Variants in EZH2 observed in about 807,000 individuals in gnomAD.
EZH2 encodes the protein histone-lysine N-methyltransferase EZH2.
In EZH2, 18 loss-of-function variants were observed where a neutral mutation model predicts 98.4. The ratio of observed to expected loss-of-function variants is 0.18; its 90% CI spans 0.13 to 0.27. The LOEUF (loss-of-function observed/expected upper bound fraction) is 0.27. Among genes scored for constraint, EZH2 ranks in the 10% least tolerant of loss-of-function variants. The pLI is 1.00. For synonymous variants in EZH2, 338 were observed against 312.3 expected, an observed-to-expected ratio of 1.08 and a Z score of -0.87; for missense variants, 470 against 935.1, an observed-to-expected ratio of 0.50 and a Z score of 6.49.
intron 8 of EZH2, among the ~76,000 whole-genome samples, chr7:148,820,622 G>T (rs201501186): frequency 5.9e-5 from 9 of 151,568 alleles, no homozygotes; most frequent in African/African-American, 2.2e-4. Context: ...TGTTGGAAGC[G>T]TGTGAGCAAT....
rs764761042 is a variant in EZH2, at chr7:148,849,241, A to G, written c.-7-1936T>C. Among the ~76,000 whole-genome samples, 28 of 152,198 alleles carry G rather than the reference A, an allele frequency of 1.8e-4. 1 individual carries two copies. Among genetic ancestry groups the G allele is most frequent in the South Asian group, 2.1e-4 (1 of 4,832 alleles). ...TGGGAGAAAGAAAAGAATATTAGGA[A>G]CTGCAGAAGGATGGCAGGAAAGGTA... is the stretch of plus-strand genomic sequence containing the variant. On this transcript the variant is annotated intron_variant, in intron 1 of 19. Transcript: ENST00000320356.
chr7:148,870,321 A>G (rs1819167688), intron 1 of EZH2, among the ~76,000 whole-genome samples: 1 of 152,244 alleles, frequency 6.6e-6, no homozygotes, highest in African/African-American at 2.4e-5. Context: ...TGCATTATTA[A>G]TTAATTTTAA....
intron 16 of EZH2, 87 bp downstream of exon 16, chr7:148,811,538 C>T (rs1187952768): frequency 2.8e-6 from 3 of 1,061,470 alleles, no homozygotes; most frequent in East Asian, 2.6e-5. Flanking sequence ...CCAATCAAAC[C>T]CACAGACTTA....
intron 1 of EZH2, among the ~76,000 whole-genome samples, chr7:148,866,485 G>A (rs1487634420): frequency 8.0e-6 from 1 of 125,622 alleles, no homozygotes; most frequent in East Asian, 2.0e-4. Flanking sequence ...CCCCAAAACT[G>A]TGAAAAATAT....
intron 3 of EZH2, chr7:148,837,066 CA>C: frequency 2.2e-6 from 1 of 445,016 alleles, no homozygotes; most frequent in South Asian, 1.7e-5. Flanking sequence ...GAGACTTTAC[CA>C]AAGTTAGCTT....
intron 17 of EZH2, 136 bp downstream of exon 17, chr7:148,810,197 G>T: frequency 1.8e-6 from 1 of 547,254 alleles, no homozygotes; most frequent in South Asian, 3.0e-5. Context: ...TTTCAAGCAA[G>T]CAGCCCCCCA....
At chr7:148,863,969 G>A (rs1007133444) in intron 1 of EZH2, among the ~76,000 whole-genome samples, 8 of 152,200 alleles carry the variant, frequency 5.3e-5, no homozygotes, top group Admixed American at 2.0e-4. Flanking sequence ...AACAGCATTC[G>A]CCTTCAAGAA....
At chr7:148,815,210 C>T (rs1804224184) in intron 13 of EZH2, among the ~76,000 whole-genome samples, 171 bp from the exon 14 acceptor site, 1 of 152,116 alleles carries the variant, frequency 6.6e-6, no homozygotes, top group East Asian at 1.9e-4. Flanking sequence ...GCAAAAAATA[C>T]TCTCCCACCC....
intron 10 of EZH2, 191 bp downstream of exon 10, chr7:148,817,686 C>A: frequency 1.3e-6 from 1 of 789,192 alleles, no homozygotes; most frequent in South Asian, 1.8e-5. Flanking sequence ...CCAAGCAGGG[C>A]AAACACCACA....
chr7:148,847,772 A>C (rs1814543477), intron 1 of EZH2, among the ~76,000 whole-genome samples: 1 of 152,242 alleles, frequency 6.6e-6, no homozygotes, highest in Non-Finnish European at 1.5e-5. Flanking sequence ...AGTAGAAAAC[A>C]TACAGTTCAC....
At position 148,817,378 on chromosome 7, in the gene EZH2, C is replaced by G. The variant is rs762768402; in HGVS notation, c.1254G>C (p.Arg418=). ...GCTTCATCTTTATTGGTGTTTGACA[C>G]CGAGAATTTGCTTCTACAAAACCAA... ...ETSSSSEANS[R]CQTPIKMKPN... The change falls in exon 11 of 20, where the codon CGG becomes CGC. Residue 418 remains arginine, a synonymous_variant. Coordinates refer to ENST00000320356, the MANE Select transcript of EZH2 (RefSeq NM_004456.5). The G allele has an allele frequency of 6.2e-7, 1 of 1,612,334 alleles. No homozygotes were observed. The highest frequency in any genetic ancestry group is 1.3e-5 in the African/African-American group (1 of 74,728).
rs1046042178 is a variant in EZH2, at chr7:148,834,191, C to T, written c.247-1441G>A. Among the ~76,000 whole-genome samples, 6 of 152,158 alleles carry T rather than the reference C, an allele frequency of 3.9e-5. No individual in the cohort carries two copies. In the East Asian group the frequency reaches 9.7e-4, roughly 24 times the overall value. ...ACCACAGCACTTTCCACCCTGTCTACGAATCCGAGATTCCTTAAAGAGTAC... is the reference window on the plus strand; with the variant it reads ...ACCACAGCACTTTCCACCCTGTCTATGAATCCGAGATTCCTTAAAGAGTAC... On this transcript the variant is annotated intron_variant, in intron 3 of 19. Coordinates refer to ENST00000320356, the MANE Select transcript of EZH2 (RefSeq NM_004456.5).
intron 2 of EZH2, 145 bp from the exon 3 acceptor site, chr7:148,846,743 G>A: frequency 1.4e-6 from 1 of 692,564 alleles, no homozygotes; most frequent in East Asian, 2.8e-5. Context: ...TTACACTATA[G>A]TTTCCCACAT....
intron 1 of EZH2, among the ~76,000 whole-genome samples, chr7:148,851,368 C>T (rs1292813403): frequency 6.6e-6 from 1 of 152,090 alleles, no homozygotes; most frequent in Non-Finnish European, 1.5e-5. Flanking sequence ...AAGACCTTAT[C>T]CATAAAACCT....
At chr7:148,808,087 A>G (rs1210488892) in intron 19 of EZH2, among the ~76,000 whole-genome samples, 1 of 152,218 alleles carries the variant, frequency 6.6e-6, no homozygotes, top group Admixed American at 6.5e-5. Flanking sequence ...GGAAAAAATG[A>G]TGACCATAGC....
intron 1 of EZH2, among the ~76,000 whole-genome samples, chr7:148,878,950 C>G (rs10249029): frequency 6.6e-6 from 1 of 151,420 alleles, no homozygotes; most frequent in Non-Finnish European, 1.5e-5. Context: ...GCCAGGCGTG[C>G]GCAGTAGCTC....
At chr7:148,868,037 C>T (rs910446211) in intron 1 of EZH2, among the ~76,000 whole-genome samples, 1 of 152,186 alleles carries the variant, frequency 6.6e-6, no homozygotes, top group Non-Finnish European at 1.5e-5. Context: ...TCACTATCAG[C>T]ATTTTGGTCA....
At chr7:148,858,724 G>A (rs1023011227) in intron 1 of EZH2, among the ~76,000 whole-genome samples, 17 of 152,150 alleles carry the variant, frequency 1.1e-4, no homozygotes, top group Admixed American at 3.9e-4. Flanking sequence ...TAGAGAAAGT[G>A]TCTCACTATA....
chr7:148,810,465 C>G (rs755143514), intron 16 of EZH2, 51 bp from the exon 17 acceptor site: 4 of 1,297,262 alleles, frequency 3.1e-6, no homozygotes, highest in Non-Finnish European at 4.5e-6. Flanking sequence ...GTGATCAAGC[C>G]TGACAGAACA....
Sources: allele counts gnomAD v4.1 joint callset (sites outside exome capture counted in the v4.1 genomes callset), GRCh38; gene constraint gnomAD v4.1.1; transcripts MANE v1.5; gene names NCBI Gene and HGNC (gene_info 2026-07-23, HGNC 2026-07-21).